R3HDM4: variants seen among roughly 807,000 people sequenced by gnomAD.
R3HDM4 encodes R3H domain-containing protein 4.
Under a neutral mutation model 31.3 loss-of-function variants are expected in R3HDM4, and 30 were observed. The observed-to-expected ratio is 0.96, with a 90% confidence interval of 0.72 to 1.30. R3HDM4 has a LOEUF of 1.30. Ranked by LOEUF, R3HDM4 falls within the 50% of genes most tolerant of loss-of-function variation. The probability of loss-of-function intolerance (pLI) is 0.00; values close to 1 mark genes in which losing one functional copy is unlikely to be tolerated. For synonymous variants in R3HDM4, 196 were observed against 156.6 expected (o/e 1.25, Z -1.88); for missense variants, 444 against 366.1 (o/e 1.21, Z -1.74).
chr19:899,976 C>T lies in R3HDM4; in HGVS notation c.561+85G>A. 1 of 1,372,056 alleles carries T rather than the reference C, an allele frequency of 7.3e-7. No homozygotes were observed. The highest frequency in any genetic ancestry group is 1.0e-6 in the Non-Finnish European group (1 of 965,938). 85.0% of individuals were successfully genotyped at this position (1,372,056 alleles called of 1,614,324 possible). A position where few individuals can be genotyped will look rare whatever the true frequency, so the allele number is the denominator to read the frequency against. On this transcript the variant is annotated intron_variant, in intron 5 of 7. Transcript: ENST00000361574. This position sits in a 1 kb window ranked among gnomAD's most constrained non-coding sequence, Gnocchi z 6.8. Reference sequence around the variant, plus strand: ...CCTGTTTCCCCTGACACGACCTGCACCGGGTGAGAACCTGTGCCTGGGAAA... The same window carrying T: ...CCTGTTTCCCCTGACACGACCTGCATCGGGTGAGAACCTGTGCCTGGGAAA...
chr19:911,039 T>G (rs1182054659), intron 1 of R3HDM4, among the ~76,000 whole-genome samples: 2 of 151,920 alleles, frequency 1.3e-5, no homozygotes, highest in African/African-American at 2.4e-5. Context: ...GAGAATGGCG[T>G]GAACCCAGGA....
intron 3 of R3HDM4, 145 bp downstream of exon 3, chr19:901,277 A>G: frequency 1.1e-6 from 1 of 911,748 alleles, no homozygotes; most frequent in Non-Finnish European, 1.6e-6. Context: ...TGGTCTGGGG[A>G]CCCCGAAGGA....
At chr19:910,078 C>A (rs2036953236) in intron 1 of R3HDM4, among the ~76,000 whole-genome samples, 1 of 152,156 alleles carries the variant, frequency 6.6e-6, no homozygotes, top group Non-Finnish European at 1.5e-5. Flanking sequence ...GTAATCCCAG[C>A]ACTTTGGGAG....
intron 1 of R3HDM4, among the ~76,000 whole-genome samples, chr19:912,065 G>GTCGGA (rs2036978335): frequency 8.0e-6 from 1 of 124,350 alleles, no homozygotes. Flanking sequence ...GAGTGGGGGG[G>GTCGGA]CAGACCCGGG....
At position 897,449 on chromosome 19, in the gene R3HDM4, C is replaced by T. The variant is rs1029850566; in HGVS notation, c.795G>A (p.Glu265=). ...CGCGGGGCCGCCATCAGCTGTGCTG[C>T]TCCAGGTAGGCGGACAGGAGCAGCC... ...PPGLLLSAYL[E]QHS The change falls in exon 8 of 8, where the codon GAG becomes GAA. Residue 265 remains glutamate, a synonymous_variant. Transcript: ENST00000361574. The T allele has an allele frequency of 6.2e-7, 1 of 1,610,308 alleles. No individual in the cohort carries two copies. The highest frequency in any genetic ancestry group is 8.5e-7 in the Non-Finnish European group (1 of 1,178,826).
rs150551924 is a variant in R3HDM4, at chr19:899,295, C to T, written c.703+145G>A. On this transcript the variant is annotated intron_variant, in intron 7 of 7. Transcript: ENST00000361574. This position sits in a 1 kb window ranked among gnomAD's most constrained non-coding sequence, Gnocchi z 6.8. ...AATTCAAGGCAGGGTCCCACTGCCA[C>T]CCCTGAGTTCGTAGCGTCCCCACTC... The T allele has an allele frequency of 2.5e-6, 2 of 799,524 alleles. No individual in the cohort carries two copies. Among genetic ancestry groups the T allele is most frequent in the Non-Finnish European group, 4.1e-6 (2 of 486,634 alleles). The allele number at this position is 799,524 out of a possible 1,614,324, so 49.5% of individuals were successfully genotyped here.
In R3HDM4 at chr19:899,343, A is replaced by T; in HGVS notation, c.703+97T>A. On this transcript the variant is annotated intron_variant, in intron 7 of 7. Transcript: ENST00000361574. The surrounding 1 kb of genome is among the most constrained non-coding windows in gnomAD (Gnocchi z 6.8). ...CTCCAGCCCCCTTCCCCACCTCCCC[A>T]CCAAGCCCCACTCTGAGGAACCAGG... The T allele has an allele frequency of 8.2e-7, 1 of 1,219,032 alleles. No individual in the cohort carries two copies. The highest frequency in any genetic ancestry group is 1.2e-6 in the Non-Finnish European group (1 of 839,226). The allele number at this position is 1,219,032 out of a possible 1,614,324, so 75.5% of individuals were successfully genotyped here.
chr19:908,828 C>T (rs559956987), intron 1 of R3HDM4, among the ~76,000 whole-genome samples: 3 of 151,970 alleles, frequency 2.0e-5, no homozygotes, highest in African/African-American at 7.3e-5. Context: ...CCAGCCGGCC[C>T]GTTTACTTCT....
intron 1 of R3HDM4, among the ~76,000 whole-genome samples, chr19:911,774 G>A (rs1045374183): frequency 2.6e-5 from 4 of 152,208 alleles, no homozygotes; most frequent in African/African-American, 9.6e-5. Context: ...GCTGACCCCC[G>A]CACAGACCGC....
intron 1 of R3HDM4, 152 bp from the exon 2 acceptor site, chr19:902,282 T>A: frequency 2.6e-6 from 2 of 767,230 alleles, no homozygotes; most frequent in East Asian, 5.4e-5. Context: ...AAATCCTATT[T>A]TGTTTCATCC....
intron 1 of R3HDM4, among the ~76,000 whole-genome samples, chr19:906,960 C>T (rs1162897790): frequency 1.3e-5 from 2 of 151,986 alleles, no homozygotes; most frequent in Non-Finnish European, 2.9e-5. Context: ...GGATTATAGG[C>T]GCCCACCACC....
At chr19:911,067 GCC>G (rs2036966233) in intron 1 of R3HDM4, among the ~76,000 whole-genome samples, 1 of 151,650 alleles carries the variant, frequency 6.6e-6, no homozygotes, top group Admixed American at 6.6e-5. Context: ...CTTGCAGTGA[GCC>G]GAGATCGCCC....
At position 907,379 on chromosome 19, in the gene R3HDM4, TCTC is replaced by T. The variant is rs1227283630; in HGVS notation, c.72-5252_72-5250del. Among the ~76,000 whole-genome samples the T allele has an allele frequency of 6.6e-6, 1 of 151,580 alleles. No individual in the cohort carries two copies. Among genetic ancestry groups the T allele is most frequent in the Non-Finnish European group, 1.5e-5 (1 of 67,844 alleles). On this transcript the variant is annotated intron_variant, in intron 1 of 7. Transcript: ENST00000361574. This position sits in a 1 kb window ranked among gnomAD's most constrained non-coding sequence, Gnocchi z 4.1. ...CCCCCCTGAGGCCCCGGGGCCTACT[TCTC>T]CACCCCAGCAGCTGGACAGGGCCGA...
In R3HDM4 at chr19:904,782, G is replaced by GA. The variant is rs959830315; in HGVS notation, c.72-2653dup. ...CAGACCAAGACTCTGTCTTAAAAAA[G>GA]AAAAAAAAAATGCAGTCAAGGGGGT... On this transcript the variant is annotated intron_variant, in intron 1 of 7. Coordinates refer to ENST00000361574, the MANE Select transcript of R3HDM4 (RefSeq NM_138774.4). Among the ~76,000 whole-genome samples the GA allele has an allele frequency of 4.1e-4, 59 of 145,600 alleles. No individual in the cohort carries two copies. The East Asian group carries it at 5.0e-3, about 12-fold the overall frequency.
At position 913,167 on chromosome 19, in the gene R3HDM4, G is replaced by A. The variant is rs1248964095; in HGVS notation, c.-10C>T. 3.0e-5 allele frequency: 32 copies of A among 1,065,744 alleles called. No homozygotes were observed. The highest frequency in any genetic ancestry group is 3.4e-5 in the Non-Finnish European group (30 of 884,292). 66.0% of individuals were successfully genotyped at this position (1,065,744 alleles called of 1,614,324 possible). On this transcript the variant is annotated 5_prime_UTR_variant, in exon 1 of 8. Coordinates refer to ENST00000361574, the MANE Select transcript of R3HDM4 (RefSeq NM_138774.4). The surrounding 1 kb of genome is among the most constrained non-coding windows in gnomAD (Gnocchi z 5.0). ...TCTCCAGCGCGACCATGGCTCGCACGCTGTCGCCGCCGCCGCCGCCCGGCA... is the reference window on the plus strand; with the variant it reads ...TCTCCAGCGCGACCATGGCTCGCACACTGTCGCCGCCGCCGCCGCCCGGCA...
chr19:901,591 A>AC (rs759497654), intron 2 of R3HDM4, 45 bp from the exon 3 acceptor site: 12 of 1,571,366 alleles, frequency 7.6e-6, no homozygotes, highest in Middle Eastern at 1.7e-4. Flanking sequence ...GCATTTGGGG[A>AC]CCCCCAGGCA....
intron 4 of R3HDM4, among the ~76,000 whole-genome samples, chr19:900,564 G>A (rs1264813595): frequency 7.4e-6 from 1 of 135,426 alleles, no homozygotes; most frequent in Non-Finnish European, 1.6e-5. Context: ...TCCATACCCT[G>A]GCCTCACCCA....
In R3HDM4 at chr19:899,700, C is replaced by T. The variant is rs1483054888; in HGVS notation, c.562-14G>A. 1 of 1,556,306 alleles carries T rather than the reference C, an allele frequency of 6.4e-7. No homozygotes were observed. Among genetic ancestry groups the T allele is most frequent in the South Asian group, 1.2e-5 (1 of 85,102 alleles). Reference sequence around the variant, plus strand: ...CTCCAGCGTTTCCTGGGGAGAGCGGCCCGGTGGTCAGGGAACTGCGGGACC... The same window carrying T: ...CTCCAGCGTTTCCTGGGGAGAGCGGTCCGGTGGTCAGGGAACTGCGGGACC... On this transcript the variant is annotated splice_polypyrimidine_tract_variant and intron_variant, in intron 5 of 7. Coordinates refer to ENST00000361574, the MANE Select transcript of R3HDM4 (RefSeq NM_138774.4). The surrounding 1 kb of genome is among the most constrained non-coding windows in gnomAD (Gnocchi z 6.8).
rs572512098 is a variant in R3HDM4, at chr19:897,548, C to G, written c.704-8G>C. On this transcript the variant is annotated splice_polypyrimidine_tract_variant and splice_region_variant and intron_variant, in intron 7 of 7. Coordinates refer to ENST00000361574, the MANE Select transcript of R3HDM4 (RefSeq NM_138774.4). ...TCCCCTCCAGGTCAGCACCTGCAGA[C>G]GGGACCAGCGGGGCAAGAACGGGAG... 2.5e-6 allele frequency: 4 copies of G among 1,601,212 alleles called. No homozygotes were observed. The highest frequency in any genetic ancestry group is 3.4e-6 in the Non-Finnish European group (4 of 1,173,248).
Sources: gnomAD v4.1 joint callset for allele counts (sites outside exome capture counted in the v4.1 genomes callset) on GRCh38, gnomAD v4.1.1 for gene constraint, Gnocchi (gnomAD v3.1) non-coding constraint, MANE v1.5 for transcripts, NCBI Gene and HGNC (gene_info 2026-07-23, HGNC 2026-07-21) for gene names.